Variants in MAP3K9 observed in about 807,000 individuals in gnomAD.
MAP3K9 encodes the protein mixed lineage kinase 1 (tyr and ser/thr specificity).
A neutral mutation model predicts 95.8 loss-of-function variants in MAP3K9; 46 were observed. The observed-to-expected ratio is 0.48, with a 90% confidence interval of 0.38 to 0.61. MAP3K9 has a LOEUF of 0.61. Among genes scored for constraint, MAP3K9 ranks in the 20% least tolerant of loss-of-function variants. MAP3K9 has a pLI of 0.00. For missense variants in MAP3K9, 1,296 were observed against 1,474.3 expected, an observed-to-expected ratio of 0.88 and a Z score of 1.98; for synonymous variants, 533 against 593.8, an observed-to-expected ratio of 0.90 and a Z score of 1.49.
intron 2 of MAP3K9, among the ~76,000 whole-genome samples, chr14:70,768,436 A>G (rs1043166055): frequency 2.0e-5 from 3 of 152,170 alleles, no homozygotes; most frequent in Admixed American, 2.0e-4. Flanking sequence ...GCAGACCCGC[A>G]TATGGTCAAA....
chr14:70,753,628 G>A (rs2054259851), intron 3 of MAP3K9, among the ~76,000 whole-genome samples: 1 of 152,122 alleles, frequency 6.6e-6, no homozygotes, highest in Non-Finnish European at 1.5e-5. Flanking sequence ...AAGCAGCCTG[G>A]AAGAACTCGT....
At chr14:70,753,591 T>A (rs950428917) in intron 3 of MAP3K9, among the ~76,000 whole-genome samples, 1 of 152,062 alleles carries the variant, frequency 6.6e-6, no homozygotes, top group Non-Finnish European at 1.5e-5. Flanking sequence ...GGTTAAAAGG[T>A]CAACAAGTCC....
intron 2 of MAP3K9, among the ~76,000 whole-genome samples, chr14:70,792,423 A>G (rs946592723): frequency 2.6e-5 from 4 of 152,230 alleles, no homozygotes; most frequent in African/African-American, 9.7e-5. Flanking sequence ...TTTCATTTGG[A>G]GAGGCCTCCA....
At position 70,732,533 on chromosome 14, in the gene MAP3K9, ACT is replaced by A. The variant is rs765369618; in HGVS notation, c.2830+4_2830+5del. 6.5e-7 allele frequency: 1 copy of A among 1,538,724 alleles called. No individual in the cohort carries two copies. Among genetic ancestry groups the A allele is most frequent in the Admixed American group, 2.1e-5 (1 of 47,216 alleles). ...AAAGGAAAGAGAAAAGAGGAAGAAG[ACT>A]CACCTGCTCCAGGACTGGGGCTCAA... On this transcript the variant is annotated splice_donor_5th_base_variant and intron_variant, in intron 11 of 11. Transcript: ENST00000554752.
chr14:70,732,603 C>G lies in MAP3K9; in HGVS notation c.2766G>C (p.Lys922Asn). 1 of 1,606,858 alleles carries G rather than the reference C, an allele frequency of 6.2e-7. No individual in the cohort carries two copies. The highest frequency in any genetic ancestry group is 8.5e-7 in the Non-Finnish European group (1 of 1,175,976). ...TCCTGCTGGCTAGGAGAGTCTCTGGCTTAAGGGCCCCATCAGAAGGAGTCC... is the reference window on the plus strand; with the variant it reads ...TCCTGCTGGCTAGGAGAGTCTCTGGGTTAAGGGCCCCATCAGAAGGAGTCC... ...HRRTPSDGAL[K>N]PETLLASRSP... Residue 922 changes from lysine (K) to asparagine (N), a missense_variant, in exon 11 of 12, where the codon AAG becomes AAC. Physicochemically the swap from Lys to Asn is moderately conservative, Grantham distance 94. This residue lies in a region of MAP3K9 where 433 missense variants were observed against 441.4 expected (regional missense o/e 0.98). Coordinates refer to ENST00000554752, the MANE Select transcript of MAP3K9 (RefSeq NM_001284230.2).
intron 3 of MAP3K9, among the ~76,000 whole-genome samples, chr14:70,760,141 GCA>G (rs60112409): frequency 1.4e-3 from 213 of 147,792 alleles, no homozygotes; most frequent in East Asian, 3.4e-3. Context: ...AAATAAACGT[GCA>G]CACACACACA....
In MAP3K9 at chr14:70,738,304, C is replaced by G; in HGVS notation, c.1785G>C (p.Lys595Asn). The G allele has an allele frequency of 6.2e-7, 1 of 1,614,020 alleles. No individual in the cohort carries two copies. The highest frequency in any genetic ancestry group is 8.5e-7 in the Non-Finnish European group (1 of 1,179,978). Residue 595 changes from lysine (K) to asparagine (N), a missense_variant, in exon 8 of 12, where the codon AAG (lysine) becomes AAC (asparagine). Transcript: ENST00000554752. The part of the protein sequence containing the change: ...EEEEKRAPKK[K>N]GRTWGPGTLG... ...GCGTCCCTGGCCCCCACGTCCGTCCCTTCTTCTTTGGGGCCCTCTTCTCCT... is the reference window on the plus strand; with the variant it reads ...GCGTCCCTGGCCCCCACGTCCGTCCGTTCTTCTTTGGGGCCCTCTTCTCCT...
intron 2 of MAP3K9, among the ~76,000 whole-genome samples, chr14:70,784,472 G>A (rs2054722725): frequency 2.0e-5 from 3 of 152,202 alleles, no homozygotes; most frequent in Admixed American, 2.0e-4. Context: ...GCCGGGCACA[G>A]TGGCTCATGC....
At chr14:70,803,509 C>T (rs56118474) in intron 1 of MAP3K9, among the ~76,000 whole-genome samples, 1 of 151,840 alleles carries the variant, frequency 6.6e-6, no homozygotes, top group Non-Finnish European at 1.5e-5. Flanking sequence ...CCCTTCCTTA[C>T]TCAGCCAGCC....
chr14:70,730,122 C>T lies in MAP3K9; in HGVS notation c.*258G>A. 4.1e-6 allele frequency: 2 copies of T among 493,544 alleles called. No individual in the cohort carries two copies. The highest frequency in any genetic ancestry group is 3.6e-6 in the Non-Finnish European group (1 of 276,082). 30.6% of individuals were successfully genotyped at this position (493,544 alleles called of 1,614,324 possible). On this transcript the variant is annotated 3_prime_UTR_variant, in exon 12 of 12. Coordinates refer to ENST00000554752, the MANE Select transcript of MAP3K9 (RefSeq NM_001284230.2). ...AAGGAAGACTGTGGAGGGTGGGGGA[C>T]ATGCATGCACCCCTTCCTCCCCTAC...
intron 2 of MAP3K9, among the ~76,000 whole-genome samples, chr14:70,763,078 T>C (rs1021165857): frequency 1.1e-4 from 16 of 152,238 alleles, no homozygotes; most frequent in Admixed American, 1.0e-3. Flanking sequence ...GTTTACATAT[T>C]TGTACCACTG....
intron 2 of MAP3K9, among the ~76,000 whole-genome samples, chr14:70,763,078 T>G (rs1021165857): frequency 1.1e-4 from 17 of 152,238 alleles, no homozygotes; most frequent in Non-Finnish European, 2.5e-4. Context: ...GTTTACATAT[T>G]TGTACCACTG....
intron 2 of MAP3K9, among the ~76,000 whole-genome samples, chr14:70,772,085 G>T (rs1458637212): frequency 6.6e-6 from 1 of 152,240 alleles, no homozygotes; most frequent in African/African-American, 2.4e-5. Context: ...TCACCACCTA[G>T]ACTCCCCGAC....
rs1285802817 is a variant in MAP3K9, at chr14:70,765,410, T to C, written c.821-4228A>G. ...TCTATGGTGGTATACAGTAATGTCCTAGGTCTTCACATTCACTCACCACTC... is the reference window on the plus strand; with the variant it reads ...TCTATGGTGGTATACAGTAATGTCCCAGGTCTTCACATTCACTCACCACTC... On this transcript the variant is annotated intron_variant, in intron 2 of 11. Transcript: ENST00000554752. The C allele has an allele frequency of 1.2e-5, 8 of 679,814 alleles. No individual in the cohort carries two copies. In the Admixed American group the frequency reaches 1.3e-4, roughly 11 times the overall value. 42.1% of individuals were successfully genotyped at this position (679,814 alleles called of 1,614,324 possible).
chr14:70,761,086 T>G lies in MAP3K9; in HGVS notation c.917A>C (p.Lys306Thr), dbSNP rs764096308. Residue 306 changes from lysine (K) to threonine (T), a missense_variant, in exon 3 of 12, where the codon AAG becomes ACG. Lys to Thr is a moderately conservative substitution (Grantham distance 78, BLOSUM62 -1). Transcript: ENST00000554752. ...GLAREWHRTT[K>T]MSAAGTYAWM... is the part of the protein sequence containing the mutation. Reference sequence around the variant, plus strand: ...AGCATACGTCCCTGCCGCACTCATCTTGGTGGTTCGGTGCCATTCCCGAGC... The same window carrying G: ...AGCATACGTCCCTGCCGCACTCATCGTGGTGGTTCGGTGCCATTCCCGAGC... The G allele has an allele frequency of 1.9e-6, 3 of 1,614,192 alleles. No homozygotes were observed. The highest frequency in any genetic ancestry group is 2.5e-6 in the Non-Finnish European group (3 of 1,180,018).
Position 70,742,720 on chromosome 14 carries a change from G to C in MAP3K9, c.1327-129C>G. 2.8e-6 allele frequency: 3 copies of C among 1,064,438 alleles called. 1 individual carries two copies. Among genetic ancestry groups the C allele is most frequent in the Middle Eastern group, 5.9e-4 (2 of 3,376 alleles). 65.9% of individuals were successfully genotyped at this position (1,064,438 alleles called of 1,614,324 possible). ...GAGCTCTCCTATGATGCTCAGTGAA[G>C]AGAGAGGACTCGATAGCTGGTAAAT... is the stretch of plus-strand genomic sequence containing the variant. On this transcript the variant is annotated intron_variant, in intron 5 of 11. Coordinates refer to ENST00000554752, the MANE Select transcript of MAP3K9 (RefSeq NM_001284230.2).
At chr14:70,777,843 T>C (rs1183352079) in intron 2 of MAP3K9, among the ~76,000 whole-genome samples, 1 of 152,140 alleles carries the variant, frequency 6.6e-6, no homozygotes, top group Non-Finnish European at 1.5e-5. Flanking sequence ...AAGACCAGAA[T>C]TATAATCAGG....
At chr14:70,756,418 G>A (rs1012544413) in intron 3 of MAP3K9, among the ~76,000 whole-genome samples, 1 of 152,192 alleles carries the variant, frequency 6.6e-6, no homozygotes, top group Non-Finnish European at 1.5e-5. Flanking sequence ...AAAGGCAAGA[G>A]AGAGTTGAGT....
rs1238040182 is a variant in MAP3K9, at chr14:70,809,053, G to GCCGCCT, written c.113_118dup (p.Glu38_Ala39dup). The GCCGCCT allele has an allele frequency of 6.9e-7, 1 of 1,456,934 alleles. No homozygotes were observed. The highest frequency in any genetic ancestry group is 1.4e-5 in the South Asian group (1 of 71,480). The allele number at this position is 1,456,934 out of a possible 1,614,324, so 90.3% of individuals were successfully genotyped here. The stretch of plus-strand genomic sequence containing the variant: ...CAGCTCCCCGGGGCCCACCGCCGCC[G>GCCGCCT]CCGCCTCCTCCTCCTCCTCCTCCTC... On this transcript the variant is annotated inframe_insertion, in exon 1 of 12. Coordinates refer to ENST00000554752, the MANE Select transcript of MAP3K9 (RefSeq NM_001284230.2).
Sources: allele counts gnomAD v4.1 joint callset (sites outside exome capture counted in the v4.1 genomes callset), GRCh38; gene constraint gnomAD v4.1.1; regional missense constraint gnomAD v4.1.1; transcripts MANE v1.5; gene names NCBI Gene and HGNC (gene_info 2026-07-23, HGNC 2026-07-21).